PTCHD4: variants seen among roughly 807,000 people sequenced by gnomAD.
PTCHD4 encodes the protein patched domain-containing protein 4.
In PTCHD4, 33 loss-of-function variants were observed where a neutral mutation model predicts 58.1. That is an observed-to-expected ratio of 0.57 (90% CI 0.43 to 0.76). The LOEUF (loss-of-function observed/expected upper bound fraction) is 0.76, where lower values mean the gene tolerates loss of function less well. Ranked by LOEUF, PTCHD4 falls within the 30% of genes least tolerant of loss-of-function variation. The pLI, the probability that PTCHD4 is intolerant of heterozygous loss-of-function variation, is 0.00. For synonymous variants in PTCHD4, 478 were observed against 409.6 expected (o/e 1.17, Z -2.02); for missense variants, 1,058 against 1,027.1 (o/e 1.03, Z -0.41).
intron 1 of PTCHD4, among the ~76,000 whole-genome samples, chr6:48,107,986 C>T (rs951867728): frequency 4.8e-4 from 73 of 152,250 alleles, no homozygotes; most frequent in Admixed American, 4.4e-3. Flanking sequence ...AATAGGAACA[C>T]TTTTACACTG....
intron 4 of PTCHD4, among the ~76,000 whole-genome samples, chr6:47,988,341 C>T (rs6928424): frequency 0.13 from 19,085 of 151,992 alleles, 1,503 homozygotes; most frequent in Non-Finnish European, 0.18. Flanking sequence ...CAATTTTTTG[C>T]AAAAATAGTG....
intron 4 of PTCHD4, among the ~76,000 whole-genome samples, chr6:47,889,392 AT>A (rs1346854114): frequency 6.8e-6 from 1 of 148,098 alleles, no homozygotes; most frequent in Non-Finnish European, 1.5e-5. Flanking sequence ...TTTAATTTGC[AT>A]TTCTCTGATG....
intron 3 of PTCHD4, among the ~76,000 whole-genome samples, chr6:48,061,079 C>G (rs527672702): frequency 4.1e-4 from 63 of 152,300 alleles, no homozygotes; most frequent in African/African-American, 1.4e-3. Context: ...TCATTTTCCT[C>G]CAAATACTCC....
intron 1 of PTCHD4, among the ~76,000 whole-genome samples, chr6:48,080,232 G>C (rs932900941): frequency 1.3e-5 from 2 of 151,892 alleles, no homozygotes; most frequent in African/African-American, 2.4e-5. Context: ...CTATGACCTT[G>C]GCAAATATTC....
intron 3 of PTCHD4, among the ~76,000 whole-genome samples, chr6:48,038,207 C>A (rs565217333): frequency 6.6e-6 from 1 of 151,870 alleles, no homozygotes; most frequent in East Asian, 1.9e-4. Context: ...GTCTCCTGAC[C>A]GGGGTTAATT....
chr6:47,872,219 C>T lies in PTCHD4; in HGVS notation c.*6084G>A, dbSNP rs1293585307. 6.6e-6 allele frequency among the ~76,000 whole-genome samples: 1 copy of T among 151,614 alleles called. No individual in the cohort carries two copies. Among genetic ancestry groups the T allele is most frequent in the East Asian group, 1.9e-4 (1 of 5,154 alleles). On this transcript the variant is annotated 3_prime_UTR_variant, in exon 5 of 5. Transcript: ENST00000339488. ...GAATATAAGTTAAATTTATATAGCACTGAAAAGTTATACATTTTTATTAAA... is the reference window on the plus strand; with the variant it reads ...GAATATAAGTTAAATTTATATAGCATTGAAAAGTTATACATTTTTATTAAA...
At chr6:47,938,946 G>A (rs914674163) in intron 4 of PTCHD4, among the ~76,000 whole-genome samples, 1 of 152,222 alleles carries the variant, frequency 6.6e-6, no homozygotes, top group Non-Finnish European at 1.5e-5. Flanking sequence ...GGTCACAGTC[G>A]AGTGGAAAGG....
At chr6:47,920,113 T>C (rs1193723585) in intron 4 of PTCHD4, among the ~76,000 whole-genome samples, 1 of 152,166 alleles carries the variant, frequency 6.6e-6, no homozygotes, top group African/African-American at 2.4e-5. Flanking sequence ...GTATTGATTG[T>C]TTAAGCAGTC....
chr6:48,048,030 A>C (rs1184704708), intron 3 of PTCHD4, among the ~76,000 whole-genome samples: 1 of 151,732 alleles, frequency 6.6e-6, no homozygotes, highest in Non-Finnish European at 1.5e-5. Flanking sequence ...AAAAAAAAAA[A>C]AAAAAAAACC....
At chr6:48,011,224 A>C (rs1056213895) in intron 3 of PTCHD4, among the ~76,000 whole-genome samples, 1 of 152,104 alleles carries the variant, frequency 6.6e-6, no homozygotes, top group Admixed American at 6.5e-5. Context: ...ATTTCTCCAC[A>C]TCCTCTCCAG....
chr6:48,085,408 G>T (rs1209085181), intron 1 of PTCHD4, among the ~76,000 whole-genome samples: 2 of 152,068 alleles, frequency 1.3e-5, no homozygotes, highest in Admixed American at 6.5e-5. Flanking sequence ...ATTGATAGAG[G>T]TTAATTTTCC....
intron 4 of PTCHD4, among the ~76,000 whole-genome samples, chr6:47,922,024 G>C (rs1223876943): frequency 6.6e-6 from 1 of 151,638 alleles, no homozygotes; most frequent in East Asian, 1.9e-4. Context: ...CTGAGCCCCA[G>C]TTACTTGGGA....
At chr6:48,076,308 C>A (rs1355486130) in intron 1 of PTCHD4, among the ~76,000 whole-genome samples, 1 of 152,190 alleles carries the variant, frequency 6.6e-6, no homozygotes, top group East Asian at 1.9e-4. Flanking sequence ...GTCTTAAATT[C>A]CTCAAAGTTA....
chr6:48,096,032 T>G (rs1765464178), intron 1 of PTCHD4, among the ~76,000 whole-genome samples: 1 of 152,170 alleles, frequency 6.6e-6, no homozygotes, highest in South Asian at 2.1e-4. Flanking sequence ...CAATGATGAA[T>G]AGGATATGGT....
chr6:47,914,370 T>A (rs1765164986), intron 4 of PTCHD4, among the ~76,000 whole-genome samples: 1 of 152,066 alleles, frequency 6.6e-6, no homozygotes, highest in South Asian at 2.1e-4. Context: ...GTAAAGCCAA[T>A]TGTTCTCAAT....
In PTCHD4 at chr6:47,897,887, C is replaced by T. The variant is rs541792366; in HGVS notation, c.899-17951G>A. 2.7e-5 allele frequency among the ~76,000 whole-genome samples: 4 copies of T among 149,588 alleles called. No individual in the cohort carries two copies. In the East Asian group the frequency reaches 7.9e-4, roughly 30 times the overall value. On this transcript the variant is annotated intron_variant, in intron 4 of 4. Transcript: ENST00000339488. ...CCATAAATATACCACATTGAAGCTG[C>T]GGTTTTTTATTCTATATCTGTTATC... is the stretch of plus-strand genomic sequence containing the variant.
At chr6:47,978,881 G>T (rs1210663784) in intron 4 of PTCHD4, among the ~76,000 whole-genome samples, 1 of 152,010 alleles carries the variant, frequency 6.6e-6, no homozygotes, top group East Asian at 1.9e-4. Context: ...GTTATATCAA[G>T]ATTCTATTAA....
chr6:48,018,859 C>T (rs1318151331), intron 3 of PTCHD4, among the ~76,000 whole-genome samples: 1 of 152,172 alleles, frequency 6.6e-6, no homozygotes, highest in Non-Finnish European at 1.5e-5. Context: ...AACGCAGGAG[C>T]ATTTGAGGAA....
intron 1 of PTCHD4, among the ~76,000 whole-genome samples, chr6:48,088,205 T>C (rs777662373): frequency 6.6e-6 from 1 of 152,170 alleles, no homozygotes; most frequent in African/African-American, 2.4e-5. Flanking sequence ...TTGTGTTTTT[T>C]AGAGGTCTCA....
Sources: allele counts gnomAD v4.1 joint callset (sites outside exome capture counted in the v4.1 genomes callset), GRCh38; gene constraint gnomAD v4.1.1; transcripts MANE v1.5; gene names NCBI Gene and HGNC (gene_info 2026-07-23, HGNC 2026-07-21).